The following CCDC187 variants were observed in gnomAD, a reference collection of about 807,000 sequenced individuals.
CCDC187 encodes the protein coiled-coil domain containing 187, also known as coiled-coil domain-containing protein 187.
In CCDC187, 32 loss-of-function variants were observed where a neutral mutation model predicts 38.0. The observed-to-expected ratio is 0.84, with a 90% CI of 0.64 to 1.13. The LOEUF is 1.13. Ranked by LOEUF, CCDC187 falls within the 50% of genes most tolerant of loss-of-function variation. The pLI is 0.00. For synonymous variants in CCDC187, 333 were observed against 347.9 expected (o/e 0.96, Z 0.48); for missense variants, 707 against 786.8 (o/e 0.90, Z 1.21).
intron 4 of CCDC187, among the ~76,000 whole-genome samples, chr9:136,296,839 A>G (rs1208955955): frequency 6.6e-6 from 1 of 152,150 alleles, no homozygotes; most frequent in Non-Finnish European, 1.5e-5. Context: ...CACCCACAGG[A>G]TTACCTGACT....
chr9:136,293,504 C>G, intron 4 of CCDC187, among the ~76,000 whole-genome samples: 1 of 117,100 alleles, frequency 8.5e-6, no homozygotes, highest in Non-Finnish European at 1.8e-5. Flanking sequence ...CTCACACACT[C>G]ACAAACACAC....
intron 19 of CCDC187, 138 bp downstream of exon 19, chr9:136,262,173 G>T: frequency 1.3e-6 from 1 of 751,962 alleles, no homozygotes; most frequent in Non-Finnish European, 1.6e-6. Context: ...ACCCTGGGAG[G>T]GGATGCCCAG....
chr9:136,280,219 G>A (rs1313367460), intron 10 of CCDC187, among the ~76,000 whole-genome samples: 1 of 152,262 alleles, frequency 6.6e-6, no homozygotes, highest in African/African-American at 2.4e-5. Context: ...CACACACTGT[G>A]TATCCTCACT....
In CCDC187 at chr9:136,277,341, T is replaced by G. The variant is rs1435320781; in HGVS notation, c.3041-614A>C. ...GGTGGGTGGGTGCTGATGGGGTGGGTGGGTGCTGACAGAGTGGGTGGGTGC... is the reference window on the plus strand; with the variant it reads ...GGTGGGTGGGTGCTGATGGGGTGGGGGGGTGCTGACAGAGTGGGTGGGTGC... On this transcript the variant is annotated intron_variant, in intron 10 of 25. Transcript: ENST00000638797. Among the ~76,000 whole-genome samples the G allele has an allele frequency of 8.3e-4, 23 of 27,838 alleles. 1 individual carries two copies. Among genetic ancestry groups the G allele is most frequent in the South Asian group, 1.8e-3 (1 of 564 alleles). The allele number at this position is 27,838 out of a possible 152,430, so 18.3% of individuals were successfully genotyped here.
chr9:136,280,055 C>T (rs1588661179), intron 10 of CCDC187, among the ~76,000 whole-genome samples: 2 of 152,360 alleles, frequency 1.3e-5, no homozygotes, highest in East Asian at 1.9e-4. Flanking sequence ...ATAAATCATC[C>T]GGTCTCTGGG....
chr9:136,255,569 G>A, intron 25 of CCDC187, 88 bp downstream of exon 25: 2 of 530,808 alleles, frequency 3.8e-6, no homozygotes, highest in South Asian at 8.1e-5. Flanking sequence ...GTATTGTGGG[G>A]AGAAGCTGGC....
At chr9:136,279,667 C>A (rs2131237835) in intron 10 of CCDC187, among the ~76,000 whole-genome samples, 1 of 152,360 alleles carries the variant, frequency 6.6e-6, no homozygotes, top group East Asian at 1.9e-4. Context: ...AGCCCCATCC[C>A]AGCCCATACC....
At position 136,250,666 on chromosome 9, in the gene CCDC187, C is replaced by T. The variant is rs1554759171; in HGVS notation, c.*2928G>A. ...GGAGCATGGAGCAGGAACACATTCCCCACTGGATCCAAACATCTGCATTCT... is the reference window on the plus strand; with the variant it reads ...GGAGCATGGAGCAGGAACACATTCCTCACTGGATCCAAACATCTGCATTCT... On this transcript the variant is annotated 3_prime_UTR_variant, in exon 26 of 26. Transcript: ENST00000638797. The T allele has an allele frequency of 4.5e-6, 2 of 447,320 alleles. No individual in the cohort carries two copies. The highest frequency in any genetic ancestry group is 9.1e-6 in the Non-Finnish European group (2 of 220,984). 27.7% of individuals were successfully genotyped at this position (447,320 alleles called of 1,614,324 possible).
intron 4 of CCDC187, among the ~76,000 whole-genome samples, chr9:136,292,953 G>A (rs977107777): frequency 2.4e-4 from 37 of 152,330 alleles, no homozygotes; most frequent in African/African-American, 4.3e-4. Context: ...AGTGAGTGGC[G>A]CTCATCCAGG....
In CCDC187 at chr9:136,276,717, C is replaced by T. The variant is rs930619912; in HGVS notation, c.3051G>A (p.Glu1017=). The T allele has an allele frequency of 0.11, 16,333 of 152,248 alleles. 1,196 individuals are homozygous for T. Among genetic ancestry groups the T allele is most frequent in the Admixed American group, 0.19 (2,881 of 15,276 alleles). The allele number at this position is 152,248 out of a possible 1,614,324, so 9.4% of individuals were successfully genotyped here. ...TGGGAAGGCATCTCACACATGGGTC[C>T]TCCTGCTGACCTGTGGAACCATGGA... The part of the protein sequence containing the change: ...PCTPRSCGQQ[E]DPCVRCLPNT... Residue 1017 remains glutamate, a synonymous_variant, in exon 11 of 26, where the codon GAG becomes GAA. Coordinates refer to ENST00000638797, the MANE Select transcript of CCDC187 (RefSeq NM_001378188.1).
In CCDC187 at chr9:136,252,355, A is replaced by T; in HGVS notation, c.*1239T>A. ...GAAGGTCCAGGCGACCATCCCGCAC[A>T]GCCGGCCGCCCACCCCGTCCACCAG... On this transcript the variant is annotated 3_prime_UTR_variant, in exon 26 of 26. Coordinates refer to ENST00000638797, the MANE Select transcript of CCDC187 (RefSeq NM_001378188.1). The T allele has an allele frequency of 5.8e-6, 1 of 173,406 alleles. No individual in the cohort carries two copies. The highest frequency in any genetic ancestry group is 6.5e-5 in the South Asian group (1 of 15,410). The allele number at this position is 173,406 out of a possible 1,614,324, so 10.7% of individuals were successfully genotyped here. A position where few individuals can be genotyped will look rare whatever the true frequency, so the allele number is the denominator to read the frequency against.
intron 7 of CCDC187, among the ~76,000 whole-genome samples, chr9:136,289,502 G>A (rs921398922): frequency 9.3e-6 from 1 of 107,656 alleles, no homozygotes; most frequent in Non-Finnish European, 1.7e-5. Flanking sequence ...CTGGGCAACA[G>A]AGCAAAACTC....
In CCDC187 at chr9:136,253,264, A is replaced by G. The variant is rs1830571145; in HGVS notation, c.*330T>C. The G allele has an allele frequency of 6.6e-6, 1 of 152,276 alleles. No homozygotes were observed. The allele number at this position is 152,276 out of a possible 1,614,324, so 9.4% of individuals were successfully genotyped here. A position where few individuals can be genotyped will look rare whatever the true frequency, so the allele number is the denominator to read the frequency against. ...CCAGGGCTCTCCCCGACTGCCCAAG[A>G]CCTCCTCAAAGGCCACATCAGCCCA... On this transcript the variant is annotated 3_prime_UTR_variant, in exon 26 of 26. Transcript: ENST00000638797.
At chr9:136,267,289 G>A in intron 16 of CCDC187, 95 bp downstream of exon 16, 1 of 891,402 alleles carries the variant, frequency 1.1e-6, no homozygotes, top group Non-Finnish European at 1.3e-6. Flanking sequence ...GCGGGACCCG[G>A]ACGGGGCAGG....
At chr9:136,303,480 T>C (rs1290740151) in intron 1 of CCDC187, among the ~76,000 whole-genome samples, 187 bp from the exon 2 acceptor site, 3 of 152,124 alleles carry the variant, frequency 2.0e-5, no homozygotes, top group Non-Finnish European at 4.4e-5. Context: ...ACCACACCCC[T>C]CTGAGGTAGG....
chr9:136,282,749 GT>G (rs1286572989), intron 9 of CCDC187, among the ~76,000 whole-genome samples: 2 of 152,236 alleles, frequency 1.3e-5, no homozygotes, highest in African/African-American at 4.8e-5. Context: ...GGTCATGGTG[GT>G]GACCCACCTC....
chr9:136,297,617 C>A, intron 4 of CCDC187, 97 bp downstream of exon 4: 1 of 390,070 alleles, frequency 2.6e-6, no homozygotes, highest in South Asian at 1.3e-4. Context: ...ACTGGCCAGC[C>A]CCAGCCCCAG....
Position 136,266,004 on chromosome 9 carries a change from C to G in CCDC187, c.3687G>C (p.Ala1229=). ...DSKRDRAVLA[A]LVEKQQQALS... ...GGGCTTGCTGCTGCTTCTCAACCAG[C>G]GCGGCCAGCACAGCTCTGTCCCTCT... The change falls in exon 17 of 26, where the codon GCG becomes GCC. Residue 1229 remains alanine (A), a synonymous_variant. Transcript: ENST00000638797. The G allele has an allele frequency of 1.0e-6, 1 of 985,546 alleles. No homozygotes were observed. The highest frequency in any genetic ancestry group is 1.2e-6 in the Non-Finnish European group (1 of 829,982). The allele number at this position is 985,546 out of a possible 1,614,324, so 61.1% of individuals were successfully genotyped here.
intron 14 of CCDC187, among the ~76,000 whole-genome samples, chr9:136,271,094 A>T (rs1830832383): frequency 6.6e-6 from 1 of 152,216 alleles, no homozygotes; most frequent in South Asian, 2.1e-4. Context: ...TTCTGCCCAC[A>T]TAATTGGAGT....
Sources: gnomAD v4.1 joint callset for allele counts (sites outside exome capture counted in the v4.1 genomes callset) on GRCh38, gnomAD v4.1.1 for gene constraint, MANE v1.5 for transcripts, NCBI Gene and HGNC (gene_info 2026-07-23, HGNC 2026-07-21) for gene names.